The following PTPRR variants were observed in gnomAD, a reference collection of about 807,000 sequenced individuals.
PTPRR encodes the protein receptor-type tyrosine-protein phosphatase R.
In PTPRR, 38 loss-of-function variants were observed where a neutral mutation model predicts 77.2. The observed-to-expected ratio is 0.49, with a 90% confidence interval of 0.38 to 0.65. The LOEUF is 0.65. PTPRR is among the 30% of genes least tolerant of loss of function. The pLI is 0.00. For missense variants in PTPRR, 744 were observed against 799.2 expected (o/e 0.93, Z 0.83); for synonymous variants, 299 against 283.1 (o/e 1.06, Z -0.57).
chr12:70,909,130 G>A (rs1893665040), intron 1 of PTPRR, among the ~76,000 whole-genome samples: 1 of 152,198 alleles, frequency 6.6e-6, no homozygotes, highest in South Asian at 2.1e-4. Flanking sequence ...ATGCTGCAGG[G>A]TGAGGTATTG....
chr12:70,722,607 T>C (rs1363081312), intron 6 of PTPRR, among the ~76,000 whole-genome samples: 1 of 152,172 alleles, frequency 6.6e-6, no homozygotes, highest in Non-Finnish European at 1.5e-5. Context: ...GTTATCTTAT[T>C]TGCCAGAATC....
intron 2 of PTPRR, among the ~76,000 whole-genome samples, chr12:70,823,472 T>C (rs1007717434): frequency 6.6e-5 from 10 of 152,222 alleles, no homozygotes; most frequent in Admixed American, 5.9e-4. Flanking sequence ...AGTGTCAGAA[T>C]TATCAGCTCC....
chr12:70,869,413 A>C (rs1253424483), intron 2 of PTPRR, among the ~76,000 whole-genome samples: 2 of 152,092 alleles, frequency 1.3e-5, no homozygotes, highest in African/African-American at 4.8e-5. Context: ...CTAGAAGTTG[A>C]TGGAGCTGTC....
chr12:70,707,172 T>C (rs1260918664), intron 6 of PTPRR, among the ~76,000 whole-genome samples: 2 of 152,134 alleles, frequency 1.3e-5, no homozygotes, highest in Non-Finnish European at 2.9e-5. Flanking sequence ...CATTTATACC[T>C]AATGTCTTTA....
At chr12:70,754,794 T>C in intron 4 of PTPRR, 2 of 1,459,090 alleles carry the variant, frequency 1.4e-6, no homozygotes, top group Non-Finnish European at 1.8e-6. Flanking sequence ...ATTATTTCCT[T>C]CTTTCTTTTA....
At chr12:70,912,221 C>T (rs911869670) in intron 1 of PTPRR, among the ~76,000 whole-genome samples, 1 of 152,066 alleles carries the variant, frequency 6.6e-6, no homozygotes, top group Admixed American at 6.6e-5. Context: ...TGAAAGTCAC[C>T]CAGTGGTGAA....
intron 2 of PTPRR, among the ~76,000 whole-genome samples, chr12:70,800,326 C>T (rs552364104): frequency 2.7e-5 from 4 of 149,220 alleles, no homozygotes; most frequent in African/African-American, 9.9e-5. Flanking sequence ...TGAGTACTTA[C>T]AAAATGCGAT....
At chr12:70,914,606 G>C (rs1893747292) in intron 1 of PTPRR, among the ~76,000 whole-genome samples, 1 of 152,142 alleles carries the variant, frequency 6.6e-6, no homozygotes, top group Non-Finnish European at 1.5e-5. Flanking sequence ...CACAATGTTA[G>C]GGAATATTTA....
chr12:70,663,988 A>C (rs1886887580), intron 10 of PTPRR, among the ~76,000 whole-genome samples: 1 of 152,228 alleles, frequency 6.6e-6, no homozygotes, highest in South Asian at 2.1e-4. Flanking sequence ...TATCAGAAAC[A>C]CACCTCCAGG....
intron 2 of PTPRR, among the ~76,000 whole-genome samples, chr12:70,892,444 T>C (rs892117568): frequency 1.3e-5 from 2 of 152,066 alleles, no homozygotes; most frequent in Non-Finnish European, 2.9e-5. Context: ...GCATCTACCA[T>C]GTACCATGCA....
At chr12:70,866,051 T>G (rs1892839356) in intron 2 of PTPRR, among the ~76,000 whole-genome samples, 1 of 151,934 alleles carries the variant, frequency 6.6e-6, no homozygotes, top group Non-Finnish European at 1.5e-5. Flanking sequence ...AGAGGGAAAT[T>G]TATAGCACTA....
chr12:70,718,950 T>G (rs1416864826), intron 6 of PTPRR, among the ~76,000 whole-genome samples: 1 of 152,216 alleles, frequency 6.6e-6, no homozygotes, highest in African/African-American at 2.4e-5. Context: ...CCAATAATTC[T>G]CCATGTCAGA....
chr12:70,641,519 T>C (rs989472324), intron 13 of PTPRR, among the ~76,000 whole-genome samples: 1 of 152,220 alleles, frequency 6.6e-6, no homozygotes, highest in Non-Finnish European at 1.5e-5. Flanking sequence ...AAATCAAGGT[T>C]GTTTTAGCCA....
intron 10 of PTPRR, among the ~76,000 whole-genome samples, chr12:70,677,868 T>C (rs748742335): frequency 1.3e-5 from 2 of 152,188 alleles, no homozygotes; most frequent in Non-Finnish European, 2.9e-5. Context: ...AGTTTCTTTT[T>C]TGGTTGAGTC....
At chr12:70,915,812 T>C (rs1398013784) in intron 1 of PTPRR, among the ~76,000 whole-genome samples, 1 of 152,154 alleles carries the variant, frequency 6.6e-6, no homozygotes, top group African/African-American at 2.4e-5. Flanking sequence ...AAGTGGACTA[T>C]GTGTGTTTTT....
chr12:70,713,730 T>C (rs549924330), intron 6 of PTPRR, among the ~76,000 whole-genome samples: 1 of 152,314 alleles, frequency 6.6e-6, no homozygotes, highest in Admixed American at 6.5e-5. Context: ...CCTTGGCCCA[T>C]TTTTAATTTG....
intron 6 of PTPRR, among the ~76,000 whole-genome samples, chr12:70,713,377 T>A (rs1451686698): frequency 6.6e-6 from 1 of 152,210 alleles, no homozygotes; most frequent in African/African-American, 2.4e-5. Flanking sequence ...AAGTTTTGCA[T>A]GAACATATGT....
intron 6 of PTPRR, among the ~76,000 whole-genome samples, chr12:70,711,296 A>T (rs183954537): frequency 6.6e-6 from 1 of 152,214 alleles, no homozygotes; most frequent in Admixed American, 6.6e-5. Context: ...AGGAACAGAA[A>T]ATCAAACACT....
At position 70,833,906 on chromosome 12, in the gene PTPRR, C is replaced by T. The variant is rs1209468285; in HGVS notation, c.357+58773G>A. On this transcript the variant is annotated intron_variant, in intron 2 of 13. Coordinates refer to ENST00000283228, the MANE Select transcript of PTPRR (RefSeq NM_002849.4). ...AGGCAGCCCCAGCCAGGCATTTTAT[C>T]ACACTTTTAAAAGGGCCTACAATGA... Among the ~76,000 whole-genome samples the T allele has an allele frequency of 2.6e-5, 4 of 152,278 alleles. No homozygotes were observed. In the East Asian group the frequency reaches 7.7e-4, roughly 29 times the overall value.
Sources: gnomAD v4.1 joint callset for allele counts (sites outside exome capture counted in the v4.1 genomes callset) on GRCh38, gnomAD v4.1.1 for gene constraint, MANE v1.5 for transcripts, NCBI Gene and HGNC (gene_info 2026-07-23, HGNC 2026-07-21) for gene names.